The following TMEM132C variants were observed in gnomAD, a reference collection of about 807,000 sequenced individuals.
TMEM132C encodes transmembrane protein 132C.
TMEM132C carries 29 observed loss-of-function variants against 61.4 expected under a neutral mutation model. The ratio of observed to expected loss-of-function variants is 0.47; its 90% CI spans 0.35 to 0.64. The LOEUF (loss-of-function observed/expected upper bound fraction) is 0.64, where lower values mean the gene tolerates loss of function less well. TMEM132C is among the 30% of genes least tolerant of loss of function. The pLI is 0.00. For synonymous variants in TMEM132C, 656 were observed against 633.1 expected (o/e 1.04, Z -0.54); for missense variants, 1,408 against 1,476.9 (o/e 0.95, Z 0.76).
At chr12:128,519,325 A>G (rs1389758359) in intron 2 of TMEM132C, among the ~76,000 whole-genome samples, 5 of 152,244 alleles carry the variant, frequency 3.3e-5, no homozygotes, top group African/African-American at 7.2e-5. Flanking sequence ...AGAATGTGTT[A>G]GTAATAATTA....
At chr12:128,393,743 A>G (rs1451835193) in intron 1 of TMEM132C, among the ~76,000 whole-genome samples, 1 of 152,148 alleles carries the variant, frequency 6.6e-6, no homozygotes, top group Non-Finnish European at 1.5e-5. Context: ...TTCTTGCCTC[A>G]TGGTCACAAA....
At chr12:128,568,720 T>A (rs1459998662) in intron 3 of TMEM132C, among the ~76,000 whole-genome samples, 1 of 152,010 alleles carries the variant, frequency 6.6e-6, no homozygotes, top group Non-Finnish European at 1.5e-5. Flanking sequence ...GGTGGGAAAG[T>A]GAGGTGAAGC....
At chr12:128,382,743 C>T (rs1874442203) in intron 1 of TMEM132C, among the ~76,000 whole-genome samples, 1 of 152,170 alleles carries the variant, frequency 6.6e-6, no homozygotes, top group South Asian at 2.1e-4. Flanking sequence ...AACCTTTCTC[C>T]TATTGACAGA....
At chr12:128,536,699 C>T (rs987810755) in intron 2 of TMEM132C, among the ~76,000 whole-genome samples, 1 of 152,126 alleles carries the variant, frequency 6.6e-6, no homozygotes, top group Non-Finnish European at 1.5e-5. Context: ...AGCCTTTTAA[C>T]TATTCACAAG....
intron 3 of TMEM132C, among the ~76,000 whole-genome samples, chr12:128,590,302 A>G (rs927390182): frequency 1.3e-5 from 2 of 152,266 alleles, no homozygotes; most frequent in African/African-American, 4.8e-5. Context: ...TCCTCACAGC[A>G]GACGGCAGAG....
chr12:128,592,217 G>A (rs1482876506), intron 3 of TMEM132C, among the ~76,000 whole-genome samples: 1 of 152,176 alleles, frequency 6.6e-6, no homozygotes, highest in African/African-American at 2.4e-5. Context: ...CGGAGGCTGC[G>A]CCTAAGGTCA....
intron 4 of TMEM132C, among the ~76,000 whole-genome samples, chr12:128,666,050 A>T (rs1400069999): frequency 0.067 from 5,192 of 77,498 alleles, 463 homozygotes; most frequent in African/African-American, 0.23. Context: ...CTCATACACA[A>T]ACACAGGCAC....
intron 5 of TMEM132C, among the ~76,000 whole-genome samples, chr12:128,689,048 T>C (rs1026471661): frequency 2.0e-5 from 3 of 151,820 alleles, no homozygotes; most frequent in Non-Finnish European, 2.9e-5. Context: ...AAACTCCTGA[T>C]CTCAAGTGAT....
At chr12:128,332,378 T>C (rs1319080108) in intron 1 of TMEM132C, among the ~76,000 whole-genome samples, 1 of 152,214 alleles carries the variant, frequency 6.6e-6, no homozygotes, top group Non-Finnish European at 1.5e-5. Context: ...GAAATATTAA[T>C]GTTAAGAGCC....
intron 1 of TMEM132C, among the ~76,000 whole-genome samples, chr12:128,345,126 A>G (rs1432815773): frequency 6.6e-6 from 1 of 151,712 alleles, no homozygotes; most frequent in African/African-American, 2.4e-5. Context: ...CTCATGATTT[A>G]GCTCCCACCT....
chr12:128,280,112 T>C (rs569865717), intron 1 of TMEM132C, among the ~76,000 whole-genome samples: 1 of 152,248 alleles, frequency 6.6e-6, no homozygotes, highest in Admixed American at 6.5e-5. Flanking sequence ...TACATGAAAA[T>C]GGGGAGGTAA....
At chr12:128,465,634 G>A (rs979814099) in intron 2 of TMEM132C, among the ~76,000 whole-genome samples, 1 of 152,208 alleles carries the variant, frequency 6.6e-6, no homozygotes, top group Non-Finnish European at 1.5e-5. Context: ...GGCCTGCCTG[G>A]GATTTCCTGT....
chr12:128,293,428 C>A (rs1709694), intron 1 of TMEM132C, among the ~76,000 whole-genome samples: 8 of 151,966 alleles, frequency 5.3e-5, no homozygotes, highest in Admixed American at 6.5e-5. Flanking sequence ...CACCACCCAT[C>A]GGGAGGCCAG....
intron 2 of TMEM132C, among the ~76,000 whole-genome samples, chr12:128,419,267 C>T (rs1868897121): frequency 6.6e-6 from 1 of 152,196 alleles, no homozygotes; most frequent in Non-Finnish European, 1.5e-5. Flanking sequence ...TAGATAACAT[C>T]CGAGAGGCCC....
intron 3 of TMEM132C, among the ~76,000 whole-genome samples, chr12:128,566,544 G>C (rs1276571754): frequency 6.6e-6 from 1 of 152,146 alleles, no homozygotes; most frequent in East Asian, 1.9e-4. Flanking sequence ...CCTGGCTGTT[G>C]GTATTTGCTT....
chr12:128,669,613 A>G (rs1031091244), intron 5 of TMEM132C, 53 bp downstream of exon 5: 2 of 1,538,368 alleles, frequency 1.3e-6, no homozygotes, highest in African/African-American at 1.4e-5. Context: ...TCACTTGGAC[A>G]TCCCGTTTGC....
At chr12:128,682,506 C>CGTTG (rs1457787386) in intron 5 of TMEM132C, among the ~76,000 whole-genome samples, 1 of 152,128 alleles carries the variant, frequency 6.6e-6, no homozygotes, top group East Asian at 1.9e-4. Context: ...AGGTGCTGCC[C>CGTTG]GTTGGTTCTC....
intron 1 of TMEM132C, among the ~76,000 whole-genome samples, chr12:128,291,990 G>T (rs1235421362): frequency 1.3e-5 from 2 of 152,250 alleles, no homozygotes; most frequent in African/African-American, 4.8e-5. Flanking sequence ...CTTGGCCCCT[G>T]GAAACCCCCT....
At chr12:128,382,543 C>T (rs1001805587) in intron 1 of TMEM132C, among the ~76,000 whole-genome samples, 2 of 152,058 alleles carry the variant, frequency 1.3e-5, no homozygotes, top group Non-Finnish European at 2.9e-5. Flanking sequence ...AGCTCTAGGT[C>T]GTTCTTTTTA....
Sources: gnomAD v4.1 joint callset for allele counts (sites outside exome capture counted in the v4.1 genomes callset) on GRCh38, gnomAD v4.1.1 for gene constraint, MANE v1.5 for transcripts, NCBI Gene and HGNC (gene_info 2026-07-23, HGNC 2026-07-21) for gene names.